The following STARD13 variants were observed in gnomAD, a reference collection of about 807,000 sequenced individuals.
STARD13 encodes the protein stAR-related lipid transfer protein 13.
Under a neutral mutation model 106.4 loss-of-function variants are expected in STARD13, and 62 were observed. The ratio of observed to expected loss-of-function variants is 0.58; its 90% CI spans 0.48 to 0.72. STARD13 has a LOEUF of 0.72. Among genes scored for constraint, STARD13 ranks in the 30% least tolerant of loss-of-function variants. The pLI is 0.00. For synonymous variants in STARD13, 565 were observed against 553.0 expected (o/e 1.02, Z -0.31); for missense variants, 1,387 against 1,424.0 (o/e 0.97, Z 0.42).
chr13:33,537,925 G>C, the STARD13 span, among the ~76,000 whole-genome samples: 1 of 152,112 alleles, frequency 6.6e-6, no homozygotes, highest in African/African-American at 2.4e-5. Context: ...AAGAGAACTA[G>C]GGCATTGCCT....
intron 1 of STARD13, among the ~76,000 whole-genome samples, chr13:33,283,989 T>A (rs1891933126): frequency 6.6e-6 from 1 of 152,220 alleles, no homozygotes; most frequent in Non-Finnish European, 1.5e-5. Flanking sequence ...ATCTTGTAGA[T>A]GATAGCGCAT....
the STARD13 span, among the ~76,000 whole-genome samples, chr13:33,541,815 T>G: frequency 6.6e-6 from 1 of 152,244 alleles, no homozygotes; most frequent in East Asian, 1.9e-4. Flanking sequence ...ACGGAGCGGA[T>G]GCAGATTCAT....
At chr13:33,499,751 C>T in the STARD13 span, among the ~76,000 whole-genome samples, 155 of 136,488 alleles carry the variant, frequency 1.1e-3, 1 homozygote, top group Middle Eastern at 3.7e-3. Flanking sequence ...CCCTCTTCTT[C>T]TTCTTCTTTC....
the STARD13 span, among the ~76,000 whole-genome samples, chr13:33,460,155 C>A: frequency 6.6e-6 from 1 of 151,558 alleles, no homozygotes. Context: ...TTCTTTATTC[C>A]TTTGAGGATT....
chr13:33,463,017 G>A, the STARD13 span, among the ~76,000 whole-genome samples: 1 of 152,162 alleles, frequency 6.6e-6, no homozygotes, highest in East Asian at 1.9e-4. Flanking sequence ...ATGCCTAGTT[G>A]AGTGCTTTCC....
intron 1 of STARD13, among the ~76,000 whole-genome samples, chr13:33,253,881 G>C (rs772236932): frequency 1.5e-4 from 23 of 152,204 alleles, no homozygotes; most frequent in Non-Finnish European, 2.5e-4. Context: ...GATGAGCAAT[G>C]AACAAAACAT....
the STARD13 span, among the ~76,000 whole-genome samples, chr13:33,606,530 CTTTAT>C: frequency 6.6e-6 from 1 of 152,020 alleles, no homozygotes; most frequent in Non-Finnish European, 1.5e-5. Context: ...GGGTTGTATA[CTTTAT>C]TATCTGAAAT....
At chr13:33,380,563 G>A in the STARD13 span, among the ~76,000 whole-genome samples, 1 of 144,960 alleles carries the variant, frequency 6.9e-6, no homozygotes, top group South Asian at 2.2e-4. Flanking sequence ...GCATGCAAAC[G>A]AGGGAACTGT....
rs760852142 is a variant in STARD13 at position 33,129,196 on chromosome 13, T to C, written c.1481A>G (p.Asn494Ser). ...GTCATCGACTACCTCTTGGAGCCCATTGACATGCTGCAGAATGTCATCCAA... is the reference window on the plus strand; with the variant it reads ...GTCATCGACTACCTCTTGGAGCCCACTGACATGCTGCAGAATGTCATCCAA... Reference protein sequence around the residue: ...PHLDDILQHVNGLQEVVDDWS... With the variant: ...PHLDDILQHVSGLQEVVDDWS... The change falls in exon 5 of 14, where the codon AAT becomes AGT. Residue 494 changes from asparagine (N) to serine (S), a missense_variant. Physicochemically the swap from Asn to Ser is conservative, Grantham distance 46. Transcript: ENST00000336934. 41 of 1,614,088 alleles carry C rather than the reference T, an allele frequency of 2.5e-5. No individual in the cohort carries two copies. The highest frequency in any genetic ancestry group is 5.3e-5 in the African/African-American group (4 of 74,938).
At chr13:33,189,676 A>G (rs1176986475) in intron 1 of STARD13, among the ~76,000 whole-genome samples, 1 of 151,812 alleles carries the variant, frequency 6.6e-6, no homozygotes, top group African/African-American at 2.4e-5. Context: ...GGCCCAGTTC[A>G]CAGCTATTTC....
At chr13:33,591,565 C>T in the STARD13 span, among the ~76,000 whole-genome samples, 1 of 152,184 alleles carries the variant, frequency 6.6e-6, no homozygotes, top group Non-Finnish European at 1.5e-5. Context: ...TTCTAAGTCT[C>T]ATTTCATCAC....
At chr13:33,484,832 C>T in the STARD13 span, among the ~76,000 whole-genome samples, 1 of 152,076 alleles carries the variant, frequency 6.6e-6, no homozygotes, top group Non-Finnish European at 1.5e-5. Flanking sequence ...GAAGATAAAC[C>T]AAGAAATAGA....
At chr13:33,362,765 G>C in the STARD13 span, among the ~76,000 whole-genome samples, 4 of 152,114 alleles carry the variant, frequency 2.6e-5, no homozygotes, top group African/African-American at 9.7e-5. Flanking sequence ...CAGAACGTAT[G>C]TCCACATAAT....
At chr13:33,326,046 A>G (rs983697898) in intron 1 of STARD13, among the ~76,000 whole-genome samples, 34 of 151,690 alleles carry the variant, frequency 2.2e-4, no homozygotes, top group Non-Finnish European at 4.0e-4. Context: ...TAATTCATCA[A>G]CCGGTGAAAC....
the STARD13 span, among the ~76,000 whole-genome samples, chr13:33,619,745 C>T: frequency 6.6e-6 from 1 of 152,162 alleles, no homozygotes; most frequent in South Asian, 2.1e-4. Flanking sequence ...TTGAGCCAAA[C>T]CATATCAATA....
At chr13:33,588,659 C>T in the STARD13 span, among the ~76,000 whole-genome samples, 2 of 152,134 alleles carry the variant, frequency 1.3e-5, no homozygotes, top group Non-Finnish European at 2.9e-5. Flanking sequence ...CTTGAGAAGG[C>T]ACTTGGCTAG....
At chr13:33,641,297 T>C in the STARD13 span, among the ~76,000 whole-genome samples, 40 of 152,036 alleles carry the variant, frequency 2.6e-4, no homozygotes, top group African/African-American at 9.1e-4. Flanking sequence ...TCAACGCTGC[T>C]TTCAAACTCC....
intron 1 of STARD13, among the ~76,000 whole-genome samples, chr13:33,228,490 T>C (rs1888735651): frequency 6.6e-6 from 1 of 152,134 alleles, no homozygotes; most frequent in African/African-American, 2.4e-5. Context: ...ACAGAGACTG[T>C]GTGGACTCCT....
chr13:33,521,813 A>G, the STARD13 span, among the ~76,000 whole-genome samples: 1 of 152,178 alleles, frequency 6.6e-6, no homozygotes, highest in Non-Finnish European at 1.5e-5. Flanking sequence ...GAAAGAAATT[A>G]TCTATCCAAG....
Sources: allele counts gnomAD v4.1 joint callset (sites outside exome capture counted in the v4.1 genomes callset), GRCh38; gene constraint gnomAD v4.1.1; transcripts MANE v1.5; gene names NCBI Gene and HGNC (gene_info 2026-07-23, HGNC 2026-07-21).